AUTS2: variants seen among roughly 807,000 people sequenced by gnomAD.
AUTS2 encodes the protein autism susceptibility gene 2 protein.
A neutral mutation model predicts 112.4 loss-of-function variants in AUTS2; 17 were observed. That is an observed-to-expected ratio of 0.15 (90% confidence interval 0.10 to 0.23). The LOEUF is 0.23. Among genes scored for constraint, AUTS2 ranks in the 10% least tolerant of loss-of-function variants. The pLI is 1.00. For missense variants in AUTS2, 1,510 were observed against 1,701.6 expected, an observed-to-expected ratio of 0.89 and a Z score of 1.98; for synonymous variants, 751 against 702.7, an observed-to-expected ratio of 1.07 and a Z score of -1.09.
At chr7:70,280,284 C>CTTT (rs530905531) in intron 4 of AUTS2, among the ~76,000 whole-genome samples, 1 of 135,554 alleles carries the variant, frequency 7.4e-6, no homozygotes, top group Non-Finnish European at 1.6e-5. Flanking sequence ...TTCTTTCTTT[C>CTTT]TTTTTTTTTT....
At chr7:69,957,849 C>T (rs1272917630) in intron 2 of AUTS2, among the ~76,000 whole-genome samples, 2 of 151,324 alleles carry the variant, frequency 1.3e-5, no homozygotes, top group Non-Finnish European at 3.0e-5. Flanking sequence ...AAAAGTCTCC[C>T]CTTTCTCCTG....
At chr7:70,273,388 A>C (rs928057179) in intron 4 of AUTS2, among the ~76,000 whole-genome samples, 1 of 151,898 alleles carries the variant, frequency 6.6e-6, no homozygotes, top group Non-Finnish European at 1.5e-5. Context: ...TGGGACCACA[A>C]TAATTTTTTT....
intron 4 of AUTS2, among the ~76,000 whole-genome samples, chr7:70,180,327 A>G (rs911448233): frequency 1.3e-5 from 2 of 152,244 alleles, no homozygotes; most frequent in African/African-American, 4.8e-5. Flanking sequence ...AGAAGGATGA[A>G]TGTAGTACAG....
At chr7:70,291,747 T>C (rs1158966900) in intron 4 of AUTS2, 1 of 152,180 alleles carries the variant, frequency 6.6e-6, no homozygotes, top group Non-Finnish European at 1.5e-5. Context: ...AATCAGTAAT[T>C]TTATGATGGT....
At chr7:70,756,526 T>C (rs1789220508) in intron 6 of AUTS2, among the ~76,000 whole-genome samples, 1 of 152,206 alleles carries the variant, frequency 6.6e-6, no homozygotes, top group Non-Finnish European at 1.5e-5. Flanking sequence ...AATTTAAAAG[T>C]ATATATAAAG....
At chr7:70,135,000 G>A (rs1806476075) in intron 4 of AUTS2, among the ~76,000 whole-genome samples, 1 of 152,208 alleles carries the variant, frequency 6.6e-6, no homozygotes, top group East Asian at 1.9e-4. Context: ...GGGAGGACGG[G>A]GAATGGAGAT....
intron 2 of AUTS2, among the ~76,000 whole-genome samples, chr7:69,950,622 AT>A (rs1796987081): frequency 6.6e-6 from 1 of 152,128 alleles, no homozygotes; most frequent in African/African-American, 2.4e-5. Flanking sequence ...GTGTAAGCAT[AT>A]TCACAGTAGC....
intron 2 of AUTS2, among the ~76,000 whole-genome samples, chr7:70,114,023 A>G (rs1805225676): frequency 6.6e-6 from 1 of 152,246 alleles, no homozygotes; most frequent in African/African-American, 2.4e-5. Context: ...AGTGAAATCT[A>G]ATGAAAAACA....
At chr7:70,221,403 A>G (rs1454380366) in intron 4 of AUTS2, among the ~76,000 whole-genome samples, 2 of 152,230 alleles carry the variant, frequency 1.3e-5, no homozygotes, top group Non-Finnish European at 2.9e-5. Flanking sequence ...TACCAACATT[A>G]AATGTACATT....
At chr7:69,993,331 C>T (rs1046387645) in intron 2 of AUTS2, among the ~76,000 whole-genome samples, 5 of 152,188 alleles carry the variant, frequency 3.3e-5, no homozygotes, top group African/African-American at 1.2e-4. Context: ...ATGGCCCTCT[C>T]AGCATTCCCG....
At chr7:70,764,093 G>A (rs768205424) in intron 7 of AUTS2, among the ~76,000 whole-genome samples, 2 of 152,170 alleles carry the variant, frequency 1.3e-5, no homozygotes, top group Non-Finnish European at 2.9e-5. Flanking sequence ...TCCTGAGGCT[G>A]TGTGTCTTTG....
At chr7:70,741,670 A>C (rs1456785951) in intron 6 of AUTS2, among the ~76,000 whole-genome samples, 6 of 151,812 alleles carry the variant, frequency 4.0e-5, no homozygotes, top group Admixed American at 1.3e-4. Context: ...CAGCCTGAGC[A>C]ACAAGAGTGA....
At chr7:70,769,545 C>T (rs1448735168) in intron 10 of AUTS2, among the ~76,000 whole-genome samples, 2 of 152,072 alleles carry the variant, frequency 1.3e-5, no homozygotes, top group Non-Finnish European at 2.9e-5. Context: ...ATTAGCCGGG[C>T]GTGGTGGCGG....
intron 4 of AUTS2, among the ~76,000 whole-genome samples, chr7:70,180,732 G>A (rs986178988): frequency 2.7e-5 from 4 of 145,502 alleles, no homozygotes; most frequent in African/African-American, 5.1e-5. Context: ...CAAGCCTGTC[G>A]TTTTCCATAC....
At chr7:70,226,226 C>T (rs979049974) in intron 4 of AUTS2, among the ~76,000 whole-genome samples, 2 of 152,082 alleles carry the variant, frequency 1.3e-5, no homozygotes, top group East Asian at 3.9e-4. Flanking sequence ...CTCACTCTGT[C>T]ACCCAGTCTG....
At chr7:70,452,055 C>T (rs1796555612) in intron 5 of AUTS2, among the ~76,000 whole-genome samples, 1 of 152,198 alleles carries the variant, frequency 6.6e-6, no homozygotes, top group Non-Finnish European at 1.5e-5. Flanking sequence ...CAACATAGTG[C>T]TGTGTGACTG....
chr7:70,459,269 T>C (rs539460305), intron 5 of AUTS2, among the ~76,000 whole-genome samples: 25 of 152,276 alleles, frequency 1.6e-4, no homozygotes, highest in African/African-American at 5.5e-4. Flanking sequence ...GGTGGGAAAA[T>C]GATGTTTGCT....
chr7:70,658,526 C>T (rs762956463), intron 5 of AUTS2, among the ~76,000 whole-genome samples: 10 of 152,236 alleles, frequency 6.6e-5, no homozygotes, highest in Non-Finnish European at 1.3e-4. Flanking sequence ...TCTGAGTTAC[C>T]TCACACAGAC....
intron 4 of AUTS2, among the ~76,000 whole-genome samples, chr7:70,222,312 G>A (rs1811528589): frequency 6.6e-6 from 1 of 152,196 alleles, no homozygotes; most frequent in Non-Finnish European, 1.5e-5. Flanking sequence ...AATGTAGGAA[G>A]GGTGTTTGCA....
Sources: gnomAD v4.1 joint callset for allele counts (sites outside exome capture counted in the v4.1 genomes callset) on GRCh38, gnomAD v4.1.1 for gene constraint, MANE v1.5 for transcripts, NCBI Gene and HGNC (gene_info 2026-07-23, HGNC 2026-07-21) for gene names.